MYRF: variants seen among roughly 807,000 people sequenced by gnomAD.
MYRF encodes myelin regulatory factor.
A neutral mutation model predicts 126.3 loss-of-function variants in MYRF; 16 were observed. The ratio of observed to expected loss-of-function variants is 0.13; its 90% CI spans 0.09 to 0.19. The LOEUF (loss-of-function observed/expected upper bound fraction) is 0.19, where lower values mean the gene tolerates loss of function less well. Ranked by LOEUF, MYRF falls within the 10% of genes least tolerant of loss-of-function variation. The pLI is 1.00. For synonymous variants in MYRF, 608 were observed against 635.3 expected (o/e 0.96, Z 0.65); for missense variants, 1,104 against 1,547.0 (o/e 0.71, Z 4.80).
Position 61,757,040 on chromosome 11 carries a change from C to G in MYRF, c.46+4250C>G, listed in dbSNP as rs554097301. On this transcript the variant is annotated intron_variant, in intron 1 of 26. Transcript: ENST00000278836. This position sits in a 1 kb window ranked among gnomAD's most constrained non-coding sequence, Gnocchi z 4.7. ...TGGGAGCAGAAATTATTAACTGAAT[C>G]ATTAACTGGGTGGCCCCGCCCTACC... The G allele has an allele frequency of 2.6e-4, 101 of 393,514 alleles. No homozygotes were observed. Among genetic ancestry groups the G allele is most frequent in the Admixed American group, 8.8e-4 (29 of 32,842 alleles). The allele number at this position is 393,514 out of a possible 1,614,324, so 24.4% of individuals were successfully genotyped here.
chr11:61,780,612 A>G (rs2066515468), intron 18 of MYRF, 100 bp from the exon 19 acceptor site: 1 of 1,196,438 alleles, frequency 8.4e-7, no homozygotes, highest in African/African-American at 1.5e-5. Flanking sequence ...GGGCTCTGTG[A>G]GCCCACTGTC....
Position 61,778,451 on chromosome 11 carries a change from A to C in MYRF, c.1975A>C (p.Asn659His). Residue 659 changes from asparagine (N) to histidine (H), a missense_variant, in exon 14 of 27, where the codon AAT becomes CAT. Transcript: ENST00000278836. The surrounding 1 kb of genome is among the most constrained non-coding windows in gnomAD (Gnocchi z 4.6). ...AGACACCGGAGACATGGTCTTTGCC[A>C]ATGGGAAAACCATAGAGAACTTCCT... ...VKDTGDMVFA[N>H]GKTIENFLVV... The C allele has an allele frequency of 1.2e-6, 2 of 1,614,074 alleles. No homozygotes were observed. The highest frequency in any genetic ancestry group is 1.7e-6 in the Non-Finnish European group (2 of 1,179,940).
Position 61,777,543 on chromosome 11 carries a change from G to T in MYRF, c.1791+79G>T. On this transcript the variant is annotated intron_variant, in intron 12 of 26. Transcript: ENST00000278836. The surrounding 1 kb of genome is among the most constrained non-coding windows in gnomAD (Gnocchi z 8.8). ...GGGGCGGGGCTCCTGGGGAGGGGGC[G>T]TGACTACGCGGAAAGGCGGAGCTGC... is the stretch of plus-strand genomic sequence containing the variant. 6.7e-7 allele frequency: 1 copy of T among 1,488,964 alleles called. No homozygotes were observed. Among genetic ancestry groups the T allele is most frequent in the Non-Finnish European group, 9.1e-7 (1 of 1,100,828 alleles). The allele number at this position is 1,488,964 out of a possible 1,614,324, so 92.2% of individuals were successfully genotyped here.
intron 14 of MYRF, 36 bp from the exon 15 acceptor site, chr11:61,779,227 G>GTTGGCCCATGGCCCATGGCCC (rs1479341540): frequency 1.0e-5 from 16 of 1,526,336 alleles, no homozygotes; most frequent in Non-Finnish European, 1.4e-5. Context: ...GGCCCTCTGT[G>GTTGGCCCATGGCCCATGGCCC]TTGGCCCATG....
At chr11:61,780,359 G>A (rs2066509652) in intron 18 of MYRF, 69 bp downstream of exon 18, 8 of 1,350,456 alleles carry the variant, frequency 5.9e-6, no homozygotes, top group African/African-American at 2.9e-5. Context: ...CCAGGTCAGA[G>A]AGCCATGAGA....
rs767369745 is a variant in MYRF at position 61,781,871 on chromosome 11, C to G, written c.3016+47C>G. On this transcript the variant is annotated intron_variant, in intron 22 of 26. Transcript: ENST00000278836. The stretch of plus-strand genomic sequence containing the variant: ...CTACCCAGCCCAGCCTGGCAAGGCT[C>G]ACTGGCCAGGGCCCACCTCAGCCCA... The G allele has an allele frequency of 9.4e-6, 14 of 1,492,076 alleles. No individual in the cohort carries two copies. In the South Asian group the frequency reaches 1.9e-4, roughly 20 times the overall value. 92.4% of individuals were successfully genotyped at this position (1,492,076 alleles called of 1,614,324 possible).
At position 61,766,035 on chromosome 11, in the gene MYRF, G is replaced by A. The variant is rs1255228044; in HGVS notation, c.212G>A (p.Gly71Glu). Residue 71 changes from glycine to glutamate, a missense_variant, in exon 3 of 27, where the codon GGG becomes GAG. By Grantham distance (98) the Gly-to-Glu change is moderately conservative. Coordinates refer to ENST00000278836, the MANE Select transcript of MYRF (RefSeq NM_001127392.3). ...HGQPAMPGSSGVHHLSPPGGG... is the reference protein window; with the variant it reads ...HGQPAMPGSSEVHHLSPPGGG... Reference sequence around the variant, plus strand: ...CAGCCTGCGATGCCTGGCTCCAGCGGGGTCCACCACCTGAGCCCCCCTGGG... The same window carrying A: ...CAGCCTGCGATGCCTGGCTCCAGCGAGGTCCACCACCTGAGCCCCCCTGGG... The A allele has an allele frequency of 1.0e-5, 16 of 1,596,218 alleles. No homozygotes were observed. The Admixed American group carries it at 2.1e-4, about 21-fold the overall frequency.
chr11:61,771,518 C>T lies in MYRF; in HGVS notation c.759C>T (p.Ser253=). 3 of 1,613,604 alleles carry T rather than the reference C, an allele frequency of 1.9e-6. No individual in the cohort carries two copies. Among genetic ancestry groups the T allele is most frequent in the Non-Finnish European group, 1.7e-6 (2 of 1,179,724 alleles). ...TCCCCAGGCTCCCTACACACCCCTCCAAGAAGAGGAAGCACTCTGAATCCC... is the reference window on the plus strand; with the variant it reads ...TCCCCAGGCTCCCTACACACCCCTCTAAGAAGAGGAAGCACTCTGAATCCC... ...QHGAELPTHP[S]KKRKHSESPP... is the part of the protein sequence containing the mutation. The change falls in exon 6 of 27, where the codon TCC becomes TCT. Residue 253 remains serine, a synonymous_variant. Coordinates refer to ENST00000278836, the MANE Select transcript of MYRF (RefSeq NM_001127392.3).
intron 3 of MYRF, among the ~76,000 whole-genome samples, chr11:61,767,730 G>A (rs1162876650): frequency 6.8e-6 from 1 of 147,402 alleles, no homozygotes; most frequent in African/African-American, 2.5e-5. Context: ...AGGCTGAGGT[G>A]AGAGAATAGT....
intron 2 of MYRF, 33 bp downstream of exon 2, chr11:61,765,745 C>T (rs777364900): frequency 7.6e-6 from 12 of 1,583,044 alleles, no homozygotes; most frequent in Admixed American, 1.7e-5. Context: ...CTGCACCCGC[C>T]CAGCCCCAGC....
chr11:61,765,832 G>A, intron 2 of MYRF, 120 bp downstream of exon 2: 2 of 1,419,298 alleles, frequency 1.4e-6, no homozygotes, highest in Non-Finnish European at 1.9e-6. Flanking sequence ...TCTGAAAGCT[G>A]CTCCTCGTCC....
At chr11:61,770,806 GAGCC>G (rs1476605891) in intron 5 of MYRF, among the ~76,000 whole-genome samples, 1 of 152,156 alleles carries the variant, frequency 6.6e-6, no homozygotes, top group Non-Finnish European at 1.5e-5. Flanking sequence ...TCCAGATCAT[GAGCC>G]AGGGGCAGAG....
chr11:61,767,140 T>C, intron 3 of MYRF: 1 of 456,346 alleles, frequency 2.2e-6, no homozygotes, highest in South Asian at 1.5e-5. Flanking sequence ...CTGAGCTCCC[T>C]GGCTTTTGGG....
In MYRF at chr11:61,781,577, C is replaced by T. The variant is rs2066548859; in HGVS notation, c.2769C>T (p.Pro923=). ...SPSPSTNRSG[P]SQMALLPVTN... ...TGTGCCTGGTTCTATCCACAGGCCC[C>T]AGCCAGATGGCCCTTCTGCCAGTCA... The change falls in exon 22 of 27, where the codon CCC becomes CCT. Residue 923 remains proline (P), a synonymous_variant. Coordinates refer to ENST00000278836, the MANE Select transcript of MYRF (RefSeq NM_001127392.3). 2.5e-6 allele frequency: 4 copies of T among 1,613,346 alleles called. No homozygotes were observed. In the South Asian group the frequency reaches 3.3e-5, roughly 13 times the overall value.
chr11:61,756,891 C>T (rs1256751342), intron 1 of MYRF, among the ~76,000 whole-genome samples: 3 of 152,052 alleles, frequency 2.0e-5, no homozygotes, highest in Non-Finnish European at 4.4e-5. Flanking sequence ...GCCTGACTCC[C>T]CAATTACCAA....
rs939799925 is a variant in MYRF, at chr11:61,765,693, A to C, written c.115A>C (p.Lys39Gln). ...CAGCATCCTGGAGGAGTACATCAGC[A>C]AGGAGGATGCCTCCGACCTGTGAGT... is the stretch of plus-strand genomic sequence containing the variant. ...DTSILEEYISKEDASDLCFPD... is the reference protein window; with the variant it reads ...DTSILEEYISQEDASDLCFPD... Residue 39 changes from lysine (K) to glutamine (Q), a missense_variant, in exon 2 of 27, where the codon AAG becomes CAG. By Grantham distance (53) the Lys-to-Gln change is moderately conservative. Coordinates refer to ENST00000278836, the MANE Select transcript of MYRF (RefSeq NM_001127392.3). The C allele has an allele frequency of 3.1e-6, 5 of 1,612,648 alleles. No individual in the cohort carries two copies. The highest frequency in any genetic ancestry group is 4.2e-6 in the Non-Finnish European group (5 of 1,179,764).
chr11:61,778,759 A>C lies in MYRF; in HGVS notation c.2013+270A>C. On this transcript the variant is annotated intron_variant, in intron 14 of 26. Transcript: ENST00000278836. The surrounding 1 kb of genome is among the most constrained non-coding windows in gnomAD (Gnocchi z 4.6). Reference sequence around the variant, plus strand: ...GCCATGGCCTTCCACCCCCGGTAAAATGAGGGCGGTAATAGAACTGCACAG... The same window carrying C: ...GCCATGGCCTTCCACCCCCGGTAAACTGAGGGCGGTAATAGAACTGCACAG... 1.6e-6 allele frequency: 1 copy of C among 608,086 alleles called. No homozygotes were observed. Among genetic ancestry groups the C allele is most frequent in the Non-Finnish European group, 3.1e-6 (1 of 324,602 alleles). 37.7% of individuals were successfully genotyped at this position (608,086 alleles called of 1,614,324 possible). A position where few individuals can be genotyped will look rare whatever the true frequency, so the allele number is the denominator to read the frequency against.
At chr11:61,763,423 C>T (rs923189699) in intron 1 of MYRF, among the ~76,000 whole-genome samples, 19 of 152,348 alleles carry the variant, frequency 1.2e-4, no homozygotes, top group Admixed American at 1.2e-3. Flanking sequence ...TTGTCATCAT[C>T]GCCATGATGA....
chr11:61,785,883 G>C lies in MYRF; in HGVS notation c.3375+9G>C. 6.2e-7 allele frequency: 1 copy of C among 1,613,878 alleles called. No homozygotes were observed. Among genetic ancestry groups the C allele is most frequent in the Non-Finnish European group, 8.5e-7 (1 of 1,179,772 alleles). ...TCCGGGTGGCACTGCTGGTGAGCAG[G>C]GGCATCCCACCTACCCTGGAGGTCT... On this transcript the variant is annotated intron_variant, in intron 26 of 26. Transcript: ENST00000278836.
Sources: gnomAD v4.1 joint callset for allele counts (sites outside exome capture counted in the v4.1 genomes callset) on GRCh38, gnomAD v4.1.1 for gene constraint, Gnocchi (gnomAD v3.1) non-coding constraint, MANE v1.5 for transcripts, NCBI Gene and HGNC (gene_info 2026-07-23, HGNC 2026-07-21) for gene names.